The following SCFD2 variants were observed in gnomAD, a reference collection of about 807,000 sequenced individuals.
The protein encoded by SCFD2 is sec1 family domain-containing protein 2.
Under a neutral mutation model 58.9 loss-of-function variants are expected in SCFD2, and 54 were observed. The ratio of observed to expected loss-of-function variants is 0.92; its 90% confidence interval spans 0.74 to 1.15. SCFD2 has a LOEUF of 1.15. Among genes scored for constraint, SCFD2 ranks in the 50% most tolerant of loss-of-function variants. The pLI, the probability that SCFD2 is intolerant of heterozygous loss-of-function variation, is 0.00. For synonymous variants in SCFD2, 321 were observed against 335.9 expected (o/e 0.96, Z 0.49); for missense variants, 805 against 836.6 (o/e 0.96, Z 0.47).
rs1725904640 is a variant in SCFD2 at position 53,135,344 on chromosome 4, C to A, written c.1561+9989G>T. On this transcript the variant is annotated intron_variant, in intron 5 of 8. Transcript: ENST00000401642. ...TCATGTAATGTTTTGGAAAATAAACCAATTTCTTAAACTTTGGTGATTTCA... is the reference window on the plus strand; with the variant it reads ...TCATGTAATGTTTTGGAAAATAAACAAATTTCTTAAACTTTGGTGATTTCA... Among the ~76,000 whole-genome samples, 4 of 152,148 alleles carry A rather than the reference C, an allele frequency of 2.6e-5. No homozygotes were observed. The South Asian group carries it at 8.3e-4, about 32-fold the overall frequency.
intron 5 of SCFD2, among the ~76,000 whole-genome samples, chr4:53,048,111 G>A (rs1356820813): frequency 6.6e-6 from 1 of 152,180 alleles, no homozygotes; most frequent in African/African-American, 2.4e-5. Context: ...AGCACTTTAG[G>A]AGGCCGAAGT....
intron 4 of SCFD2, among the ~76,000 whole-genome samples, chr4:53,266,860 A>G (rs2149060937): frequency 6.6e-6 from 1 of 152,332 alleles, no homozygotes; most frequent in East Asian, 1.9e-4. Context: ...AATTGTACTC[A>G]CTGCTAACAA....
chr4:52,934,560 C>G lies in SCFD2; in HGVS notation c.1562-13690G>C, dbSNP rs1560485658. ...GAAAAGCCTTGGGGCCCAATTTAGG[C>G]AGGAAGCCTCTAGGAATTGCAGCTC... On this transcript the variant is annotated intron_variant, in intron 5 of 8. Coordinates refer to ENST00000401642, the MANE Select transcript of SCFD2 (RefSeq NM_152540.4). Among the ~76,000 whole-genome samples the G allele has an allele frequency of 2.6e-5, 4 of 152,278 alleles. No homozygotes were observed. In the East Asian group the frequency reaches 7.7e-4, roughly 29 times the overall value.
At chr4:53,249,964 T>C (rs1223294492) in intron 4 of SCFD2, among the ~76,000 whole-genome samples, 2 of 152,168 alleles carry the variant, frequency 1.3e-5, no homozygotes, top group Non-Finnish European at 2.9e-5. Flanking sequence ...CAACTTTAAA[T>C]GTAAATGAAC....
At chr4:53,063,451 A>AT (rs1398962677) in intron 5 of SCFD2, among the ~76,000 whole-genome samples, 4 of 152,156 alleles carry the variant, frequency 2.6e-5, no homozygotes, top group Non-Finnish European at 4.4e-5. Flanking sequence ...TTAAAAGGAG[A>AT]TAAAAAGGGG....
intron 4 of SCFD2, among the ~76,000 whole-genome samples, chr4:53,178,974 A>T (rs914929825): frequency 1.3e-5 from 2 of 152,192 alleles, no homozygotes; most frequent in African/African-American, 4.8e-5. Context: ...GAAAGGAACA[A>T]AGCCTCTAAG....
chr4:52,907,512 T>TTG lies in SCFD2; in HGVS notation c.1786_1787insCA (p.His596ProfsTer19), dbSNP rs765236563. 6.2e-7 allele frequency: 1 copy of TTG among 1,614,002 alleles called. No homozygotes were observed. On this transcript the variant is annotated frameshift_variant, in exon 7 of 9. Coordinates refer to ENST00000401642, the MANE Select transcript of SCFD2 (RefSeq NM_152540.4). LOFTEE classifies it high-confidence loss of function. ...GAGATCAGTGAGGCCTGAAGACATG[T>TTG]GTTCAATATCAACGGAATCTGGCCT...
intron 5 of SCFD2, among the ~76,000 whole-genome samples, chr4:53,124,412 C>T (rs1347316194): frequency 1.3e-5 from 2 of 152,068 alleles, no homozygotes; most frequent in Admixed American, 6.6e-5. Flanking sequence ...GGTTAAGTGT[C>T]CTTCTCTTGT....
chr4:53,194,859 A>T (rs1337549183), intron 4 of SCFD2, among the ~76,000 whole-genome samples: 1 of 152,208 alleles, frequency 6.6e-6, no homozygotes, highest in East Asian at 1.9e-4. Flanking sequence ...ATTTAAAAAA[A>T]GATTTTATTT....
chr4:53,256,383 C>G (rs140977293), intron 4 of SCFD2, among the ~76,000 whole-genome samples: 1 of 151,658 alleles, frequency 6.6e-6, no homozygotes, highest in African/African-American at 2.4e-5. Context: ...CGGGCAGAGA[C>G]GCTCCCCACT....
chr4:53,234,734 A>G (rs1312370125), intron 4 of SCFD2, among the ~76,000 whole-genome samples: 1 of 152,180 alleles, frequency 6.6e-6, no homozygotes, highest in Non-Finnish European at 1.5e-5. Flanking sequence ...CATTATTTTG[A>G]TCACTTCCTT....
At chr4:52,995,165 C>T (rs1289241800) in intron 5 of SCFD2, among the ~76,000 whole-genome samples, 4 of 151,948 alleles carry the variant, frequency 2.6e-5, no homozygotes, top group Non-Finnish European at 5.9e-5. Flanking sequence ...CAGTGGAAGC[C>T]CTGAGCTTCT....
chr4:53,223,641 G>C (rs1729114372), intron 4 of SCFD2, among the ~76,000 whole-genome samples: 1 of 152,148 alleles, frequency 6.6e-6, no homozygotes, highest in Non-Finnish European at 1.5e-5. Flanking sequence ...TTTTCTCATG[G>C]AAATCTCGTT....
chr4:53,254,000 C>A (rs1313877989), intron 4 of SCFD2, among the ~76,000 whole-genome samples: 1 of 151,396 alleles, frequency 6.6e-6, no homozygotes, highest in African/African-American at 2.4e-5. Context: ...AAAGAGAAAA[C>A]CAAATACCAC....
intron 5 of SCFD2, among the ~76,000 whole-genome samples, chr4:52,992,493 C>T (rs1376127123): frequency 7.9e-5 from 12 of 151,890 alleles, no homozygotes; most frequent in Non-Finnish European, 2.9e-5. Flanking sequence ...CGCCCATCGT[C>T]TGGGATGTGA....
At chr4:52,972,958 T>A (rs1721145718) in intron 5 of SCFD2, among the ~76,000 whole-genome samples, 1 of 152,214 alleles carries the variant, frequency 6.6e-6, no homozygotes, top group African/African-American at 2.4e-5. Flanking sequence ...AAAGATGTTC[T>A]TTGGAACCAA....
chr4:53,258,358 ATTC>A (rs936187065), intron 4 of SCFD2, among the ~76,000 whole-genome samples: 3 of 151,778 alleles, frequency 2.0e-5, no homozygotes, highest in Middle Eastern at 3.2e-3. Context: ...CCACTGTATC[ATTC>A]TTATGTCTTT....
At chr4:52,919,610 T>G (rs1480604265) in intron 6 of SCFD2, among the ~76,000 whole-genome samples, 1 of 152,226 alleles carries the variant, frequency 6.6e-6, no homozygotes, top group African/African-American at 2.4e-5. Context: ...GGTTTTGGGC[T>G]GGCAGCAAAG....
chr4:52,966,076 C>T (rs1437351141), intron 5 of SCFD2, among the ~76,000 whole-genome samples: 2 of 152,172 alleles, frequency 1.3e-5, no homozygotes, highest in Non-Finnish European at 2.9e-5. Flanking sequence ...AGGATCAACC[C>T]TTGACAGCCC....
Sources: gnomAD v4.1 joint callset for allele counts (sites outside exome capture counted in the v4.1 genomes callset) on GRCh38, gnomAD v4.1.1 for gene constraint, MANE v1.5 for transcripts, NCBI Gene and HGNC (gene_info 2026-07-23, HGNC 2026-07-21) for gene names.